FAM186A: variants seen among roughly 807,000 people sequenced by gnomAD.
The protein encoded by FAM186A is protein FAM186A.
In FAM186A, 163 loss-of-function variants were observed where a neutral mutation model predicts 216.8. That is an observed-to-expected ratio of 0.75 (90% CI 0.66 to 0.86). The LOEUF (loss-of-function observed/expected upper bound fraction) is 0.86. FAM186A is among the 40% of genes least tolerant of loss of function. The pLI is 0.00. For synonymous variants in FAM186A, 805 were observed against 1,025.3 expected (o/e 0.79, Z 4.10); for missense variants, 2,184 against 2,746.2 (o/e 0.80, Z 4.58).
chr12:50,363,838 G>T (rs1943061663), intron 1 of FAM186A, among the ~76,000 whole-genome samples: 1 of 151,452 alleles, frequency 6.6e-6, no homozygotes, highest in African/African-American at 2.4e-5. Context: ...TTCTTACCTG[G>T]AAAGCAGTTA....
chr12:50,366,057 A>G (rs1943084722), intron 1 of FAM186A: 1 of 747,184 alleles, frequency 1.3e-6, no homozygotes, highest in African/African-American at 1.7e-5. Flanking sequence ...GAGCAAATAC[A>G]AGGAAGAAAC....
At chr12:50,358,934 AAAAG>A (rs1943004948) in intron 3 of FAM186A, among the ~76,000 whole-genome samples, 1 of 151,526 alleles carries the variant, frequency 6.6e-6, no homozygotes, top group Non-Finnish European at 1.5e-5. Context: ...AAAAAAAAAA[AAAAG>A]TTAAAACTCA....
chr12:50,364,482 C>T (rs1281155806), intron 1 of FAM186A, among the ~76,000 whole-genome samples: 1 of 151,538 alleles, frequency 6.6e-6, no homozygotes, highest in Non-Finnish European at 1.5e-5. Context: ...AGCATGAACC[C>T]GGGAGGTGGA....
chr12:50,356,592 C>T (rs1172145707), intron 3 of FAM186A, among the ~76,000 whole-genome samples: 14 of 152,186 alleles, frequency 9.2e-5, no homozygotes, highest in Non-Finnish European at 2.1e-4. Flanking sequence ...GTTACAGGTG[C>T]AAGCCACAGT....
At chr12:50,358,222 C>A (rs185277832) in intron 3 of FAM186A, among the ~76,000 whole-genome samples, 7 of 152,172 alleles carry the variant, frequency 4.6e-5, no homozygotes, top group Non-Finnish European at 7.4e-5. Flanking sequence ...AAAAACACCA[C>A]TAAGAAAATG....
chr12:50,362,263 G>A (rs1434301214), intron 2 of FAM186A, among the ~76,000 whole-genome samples: 2 of 151,886 alleles, frequency 1.3e-5, no homozygotes, highest in Admixed American at 6.6e-5. Flanking sequence ...GTGAGCCACC[G>A]CACCTGGCCA....
chr12:50,366,890 T>C (rs1345437077), intron 1 of FAM186A, among the ~76,000 whole-genome samples: 1 of 151,882 alleles, frequency 6.6e-6, no homozygotes, highest in Non-Finnish European at 1.5e-5. Context: ...GGTGTGTGCT[T>C]ATAGTTACAG....
Position 50,350,358 on chromosome 12 carries a change from G to A in FAM186A, c.6474C>T (p.Tyr2158=), listed in dbSNP as rs1026679925. 1.3e-6 allele frequency: 2 copies of A among 1,550,212 alleles called. No homozygotes were observed. Among genetic ancestry groups the A allele is most frequent in the Non-Finnish European group, 1.7e-6 (2 of 1,146,244 alleles). ...CATGCTGGATCAGCCTATAGGCAAT[G>A]TACTTGCGGAATAAGTATCCCAACT... The part of the protein sequence containing the change: ...TVQLGYLFRK[Y]IAYRLIQHAR... The change falls in exon 4 of 8, where the codon TAC becomes TAT. Residue 2158 remains tyrosine (Y), a synonymous_variant. Coordinates refer to ENST00000327337, the MANE Select transcript of FAM186A (RefSeq NM_001145475.3).
At chr12:50,339,659 G>A (rs961856380) in intron 4 of FAM186A, among the ~76,000 whole-genome samples, 1 of 151,356 alleles carries the variant, frequency 6.6e-6, no homozygotes, top group South Asian at 2.1e-4. Flanking sequence ...CTTTTATCTT[G>A]CCTCTCTTTT....
intron 4 of FAM186A, among the ~76,000 whole-genome samples, chr12:50,338,533 C>T (rs116752680): frequency 0.01 from 1,592 of 152,234 alleles, 24 homozygotes; most frequent in African/African-American, 0.035. Context: ...ATTATTATAT[C>T]CATTTTACAT....
intron 1 of FAM186A, among the ~76,000 whole-genome samples, chr12:50,383,627 C>T (rs1188840469): frequency 6.6e-6 from 1 of 151,904 alleles, no homozygotes; most frequent in East Asian, 1.9e-4. Context: ...AACAAACAAA[C>T]CCCACCTTTA....
rs180777211 is a variant in FAM186A, at chr12:50,346,914, A to T, written c.6503+3415T>A. 5.6e-3 allele frequency among the ~76,000 whole-genome samples: 849 copies of T among 151,284 alleles called. 6 individuals carry two copies. The highest frequency in any genetic ancestry group is 0.02 in the African/African-American group (828 of 40,906). The stretch of plus-strand genomic sequence containing the variant: ...AAATTTTTTGCATATGTGGTCACAC[A>T]TGCACACACACACACACACACAAAC... On this transcript the variant is annotated intron_variant, in intron 4 of 7. Coordinates refer to ENST00000327337, the MANE Select transcript of FAM186A (RefSeq NM_001145475.3).
intron 1 of FAM186A, among the ~76,000 whole-genome samples, chr12:50,382,895 T>A (rs1179861947): frequency 6.6e-6 from 1 of 152,044 alleles, no homozygotes; most frequent in Non-Finnish European, 1.5e-5. Context: ...ATCTCTTTGA[T>A]CCCTTTCTTT....
chr12:50,393,389 C>G (rs1295328186), intron 1 of FAM186A, among the ~76,000 whole-genome samples: 1 of 150,322 alleles, frequency 6.7e-6, no homozygotes, highest in Non-Finnish European at 1.5e-5. Flanking sequence ...ATACAAAAAT[C>G]AACCGGGCAT....
rs182409854 is a variant in FAM186A at position 50,370,510 on chromosome 12, G to A, written c.193-7146C>T. Among the ~76,000 whole-genome samples the A allele has an allele frequency of 1.0e-3, 158 of 152,176 alleles. 1 individual carries two copies. Among genetic ancestry groups the A allele is most frequent in the African/African-American group, 2.9e-3 (120 of 41,532 alleles). On this transcript the variant is annotated intron_variant, in intron 1 of 7. Coordinates refer to ENST00000327337, the MANE Select transcript of FAM186A (RefSeq NM_001145475.3). ...AAAAAAACAGAAAATAACAAGTGTGGGTGAGGCTGTGCAAAATTGGAACCC... is the reference window on the plus strand; with the variant it reads ...AAAAAAACAGAAAATAACAAGTGTGAGTGAGGCTGTGCAAAATTGGAACCC...
chr12:50,395,821 G>A (rs1943407062), intron 1 of FAM186A, among the ~76,000 whole-genome samples: 1 of 151,938 alleles, frequency 6.6e-6, no homozygotes. Context: ...GAGTGCAATG[G>A]TGCAATCTTG....
intron 1 of FAM186A, chr12:50,365,743 C>A: frequency 1.3e-6 from 1 of 754,012 alleles, no homozygotes; most frequent in South Asian, 1.4e-5. Flanking sequence ...AAGATTATGT[C>A]TTCCCCTCTT....
intron 1 of FAM186A, among the ~76,000 whole-genome samples, chr12:50,368,101 C>T (rs947039750): frequency 1.1e-4 from 17 of 151,372 alleles, no homozygotes; most frequent in East Asian, 9.7e-4. Flanking sequence ...GCTGAGATCA[C>T]GCCACTACAC....
Position 50,353,048 on chromosome 12 carries a change from C to G in FAM186A, c.3784G>C (p.Glu1262Gln). Reference protein sequence around the residue: ...GITLTPKQVQELGIPLTPQQA... With the variant: ...GITLTPKQVQQLGIPLTPQQA... ...TGAGGAGTAAGAGGGATCCCCAGTT[C>G]CTGAACCTGCTTAGGGGTGAGAGTG... Residue 1262 changes from glutamate to glutamine, a missense_variant, in exon 4 of 8, where the codon GAA becomes CAA. Glu to Gln is a conservative substitution (Grantham distance 29). Coordinates refer to ENST00000327337, the MANE Select transcript of FAM186A (RefSeq NM_001145475.3). The G allele has an allele frequency of 6.5e-7, 1 of 1,530,474 alleles. No homozygotes were observed. Among genetic ancestry groups the G allele is most frequent in the Non-Finnish European group, 8.8e-7 (1 of 1,137,792 alleles). The allele number at this position is 1,530,474 out of a possible 1,614,324, so 94.8% of individuals were successfully genotyped here.
Sources: allele counts gnomAD v4.1 joint callset (sites outside exome capture counted in the v4.1 genomes callset), GRCh38; gene constraint gnomAD v4.1.1; transcripts MANE v1.5; gene names NCBI Gene and HGNC (gene_info 2026-07-23, HGNC 2026-07-21).